HCLS1: variants seen among roughly 807,000 people sequenced by gnomAD.
HCLS1 encodes the protein hematopoietic lineage cell-specific protein.
HCLS1 carries 44 observed loss-of-function variants against 68.6 expected under a neutral mutation model. That is an observed-to-expected ratio of 0.64 (90% CI 0.50 to 0.82). The LOEUF (loss-of-function observed/expected upper bound fraction) is 0.82. Ranked by LOEUF, HCLS1 falls within the 40% of genes least tolerant of loss-of-function variation. HCLS1 has a pLI of 0.00. For synonymous variants in HCLS1, 217 were observed against 225.8 expected, an observed-to-expected ratio of 0.96 and a Z score of 0.35; for missense variants, 602 against 612.1, an observed-to-expected ratio of 0.98 and a Z score of 0.17.
chr3:121,638,703 T>C (rs2049171445), intron 6 of HCLS1, among the ~76,000 whole-genome samples: 1 of 152,094 alleles, frequency 6.6e-6, no homozygotes, highest in Non-Finnish European at 1.5e-5. Flanking sequence ...AAAATATACA[T>C]TTTGGAAAGA....
At chr3:121,660,136 C>T (rs1937960506) in intron 1 of HCLS1, among the ~76,000 whole-genome samples, 2 of 152,192 alleles carry the variant, frequency 1.3e-5, no homozygotes, top group Admixed American at 6.5e-5. Flanking sequence ...GGGACCATCA[C>T]AAGGGCATCA....
chr3:121,639,677 T>C (rs1004972342), intron 6 of HCLS1, among the ~76,000 whole-genome samples: 3 of 152,132 alleles, frequency 2.0e-5, no homozygotes, highest in Non-Finnish European at 4.4e-5. Context: ...GTCCCCTGAA[T>C]AGCTGGGACC....
chr3:121,637,892 C>A (rs2049164846), intron 6 of HCLS1, among the ~76,000 whole-genome samples: 1 of 151,142 alleles, frequency 6.6e-6, no homozygotes, highest in African/African-American at 2.4e-5. Flanking sequence ...GCCAAGATTG[C>A]ACCATTGCAC....
intron 10 of HCLS1, 132 bp downstream of exon 10, chr3:121,634,075 A>T (rs2049125878): frequency 2.0e-6 from 3 of 1,472,724 alleles, no homozygotes; most frequent in Non-Finnish European, 2.7e-6. Context: ...AAGTCTTCTA[A>T]AGACAGAGAC....
chr3:121,631,429 G>C lies in HCLS1; in HGVS notation c.*417C>G, dbSNP rs967070250. On this transcript the variant is annotated 3_prime_UTR_variant, in exon 14 of 14. Transcript: ENST00000314583. ...GTGAACCATAGTCTCACTTTATTTC[G>C]AATTTTAGGACTGAACAGAAAGAAG... 1 of 158,298 alleles carries C rather than the reference G, an allele frequency of 6.3e-6. No homozygotes were observed. Among genetic ancestry groups the C allele is most frequent in the Non-Finnish European group, 1.4e-5 (1 of 73,834 alleles). 9.8% of individuals were successfully genotyped at this position (158,298 alleles called of 1,614,324 possible).
rs868027215 is a variant in HCLS1, at chr3:121,642,266, T to C, written c.454+661A>G. Among the ~76,000 whole-genome samples, 14 of 144,324 alleles carry C rather than the reference T, an allele frequency of 9.7e-5. No individual in the cohort carries two copies. The South Asian group carries it at 1.8e-3, about 18-fold the overall frequency. 94.7% of individuals were successfully genotyped at this position (144,324 alleles called of 152,430 possible). ...CGAGGTCAGGAGATCGACACCATCC[T>C]GGCTAACACAGTGAAACCCCGTCTC... On this transcript the variant is annotated intron_variant, in intron 6 of 13. Coordinates refer to ENST00000314583, the MANE Select transcript of HCLS1 (RefSeq NM_005335.6).
chr3:121,633,775 A>G lies in HCLS1; in HGVS notation c.903+432T>C, dbSNP rs575507865. On this transcript the variant is annotated intron_variant, in intron 10 of 13. Coordinates refer to ENST00000314583, the MANE Select transcript of HCLS1 (RefSeq NM_005335.6). ...GGTTGGTCTAGAACTCCTGGCTTCA[A>G]GTGATCCTCTCACCTTGGCCACCTC... 2.7e-4 allele frequency among the ~76,000 whole-genome samples: 41 copies of G among 151,078 alleles called. No homozygotes were observed. The South Asian group carries it at 5.0e-3, about 19-fold the overall frequency.
chr3:121,637,160 T>C lies in HCLS1; in HGVS notation c.551A>G (p.His184Arg). The part of the protein sequence containing the change: ...GYDYKGETEK[H>R]ESQRDYAKGF... ...CCCCAACTCACCTCTCTGGGACTCG[T>C]GTTTCTCCGTCTCTCCCTTGTAGTC... is the stretch of plus-strand genomic sequence containing the variant. Residue 184 changes from histidine (H) to arginine (R), a missense_variant, in exon 7 of 14, where the codon CAC (histidine) becomes CGC (arginine). Physicochemically the swap from His to Arg is conservative, Grantham distance 29. Coordinates refer to ENST00000314583, the MANE Select transcript of HCLS1 (RefSeq NM_005335.6). The C allele has an allele frequency of 6.2e-7, 1 of 1,611,574 alleles. No homozygotes were observed.
intron 3 of HCLS1, among the ~76,000 whole-genome samples, chr3:121,654,455 GA>G (rs1248337770): frequency 6.6e-6 from 1 of 152,146 alleles, no homozygotes; most frequent in Non-Finnish European, 1.5e-5. Flanking sequence ...CAGGTCAAGG[GA>G]AAAGACACCC....
intron 6 of HCLS1, among the ~76,000 whole-genome samples, chr3:121,639,636 C>A (rs2049179888): frequency 6.6e-6 from 1 of 152,100 alleles, no homozygotes; most frequent in South Asian, 2.1e-4. Flanking sequence ...GCAGCCTCAA[C>A]CTCCTGGGCT....
chr3:121,641,842 G>A (rs1048447050), intron 6 of HCLS1, among the ~76,000 whole-genome samples: 8 of 152,260 alleles, frequency 5.3e-5, no homozygotes, highest in South Asian at 4.2e-4. Flanking sequence ...AGCACTTTGG[G>A]AAGCCGAGGC....
rs374104805 is a variant in HCLS1, at chr3:121,640,446, C to T, written c.454+2481G>A. Among the ~76,000 whole-genome samples the T allele has an allele frequency of 2.4e-4, 36 of 151,850 alleles. No individual in the cohort carries two copies. In the South Asian group the frequency reaches 5.4e-3, roughly 23 times the overall value. On this transcript the variant is annotated intron_variant, in intron 6 of 13. Coordinates refer to ENST00000314583, the MANE Select transcript of HCLS1 (RefSeq NM_005335.6). ...CAAGGAAATAAATAACCATGAGGAACGCAGATTAGTCAGAAGAAATGGCAC... is the reference window on the plus strand; with the variant it reads ...CAAGGAAATAAATAACCATGAGGAATGCAGATTAGTCAGAAGAAATGGCAC...
intron 10 of HCLS1, among the ~76,000 whole-genome samples, chr3:121,633,529 A>G (rs949195992): frequency 6.6e-6 from 1 of 151,666 alleles, no homozygotes; most frequent in East Asian, 1.9e-4. Context: ...GCCCATCTTC[A>G]TTCTTTTTAT....
chr3:121,631,562 A>G lies in HCLS1; in HGVS notation c.*284T>C, dbSNP rs1217235749. 2.7e-6 allele frequency: 1 copy of G among 366,888 alleles called. No individual in the cohort carries two copies. The highest frequency in any genetic ancestry group is 2.1e-5 in the African/African-American group (1 of 48,686). The allele number at this position is 366,888 out of a possible 1,614,324, so 22.7% of individuals were successfully genotyped here. ...AAACAAACTGGGAAGCCCAGAGCTC[A>G]CAGAGGAGGAGAGCAGAGCTTGGGG... On this transcript the variant is annotated 3_prime_UTR_variant, in exon 14 of 14. Transcript: ENST00000314583.
intron 10 of HCLS1, 52 bp from the exon 11 acceptor site, chr3:121,633,223 T>TA (rs1407390985): frequency 9.8e-7 from 1 of 1,018,006 alleles, no homozygotes; most frequent in African/African-American, 1.7e-5. Flanking sequence ...CTTCACTCCT[T>TA]TTTTTTTTTT....
At chr3:121,647,606 G>T in intron 3 of HCLS1, 158 bp from the exon 4 acceptor site, 1 of 635,442 alleles carries the variant, frequency 1.6e-6, no homozygotes, top group South Asian at 2.2e-5. Context: ...TAAAAGATCA[G>T]TCTGGCCTGC....
chr3:121,642,303 C>CA (rs34223359), intron 6 of HCLS1, among the ~76,000 whole-genome samples: 43,570 of 127,276 alleles, frequency 0.34, 7,243 homozygotes, highest in East Asian at 0.55. Flanking sequence ...ACTAAAAATA[C>CA]AAAAAAAAAA....
intron 3 of HCLS1, among the ~76,000 whole-genome samples, chr3:121,654,731 C>T (rs968628002): frequency 1.3e-5 from 2 of 152,196 alleles, no homozygotes; most frequent in African/African-American, 4.8e-5. Context: ...CTCAGCTCTA[C>T]AGCTACTGTT....
At chr3:121,637,408 T>G in intron 6 of HCLS1, 152 bp from the exon 7 acceptor site, 1 of 593,936 alleles carries the variant, frequency 1.7e-6, no homozygotes, top group Non-Finnish European at 3.0e-6. Flanking sequence ...AGAGAAGCCA[T>G]GTCTTAAGTA....
Sources: gnomAD v4.1 joint callset for allele counts (sites outside exome capture counted in the v4.1 genomes callset) on GRCh38, gnomAD v4.1.1 for gene constraint, MANE v1.5 for transcripts, NCBI Gene and HGNC (gene_info 2026-07-23, HGNC 2026-07-21) for gene names.